OSBPL8: variants seen among roughly 807,000 people sequenced by gnomAD.
The protein encoded by OSBPL8 is oxysterol binding protein like 8, also known as oxysterol-binding protein-related protein 8.
OSBPL8 carries 59 observed loss-of-function variants against 125.5 expected under a neutral mutation model. The observed-to-expected ratio is 0.47, with a 90% confidence interval of 0.38 to 0.58. The LOEUF is 0.58. Ranked by LOEUF, OSBPL8 falls within the 20% of genes least tolerant of loss-of-function variation. The pLI is 0.00. For missense variants in OSBPL8, 758 were observed against 1,047.8 expected (o/e 0.72, Z 3.82); for synonymous variants, 330 against 338.9 (o/e 0.97, Z 0.29).
intron 4 of OSBPL8, among the ~76,000 whole-genome samples, chr12:76,436,697 C>T (rs1350381926): frequency 1.3e-5 from 2 of 151,888 alleles, no homozygotes; most frequent in Non-Finnish European, 2.9e-5. Flanking sequence ...AGTTACAGAA[C>T]TAGGAAAACA....
At position 76,399,663 on chromosome 12, in the gene OSBPL8, T is replaced by C. The variant is rs1467158216; in HGVS notation, c.468+210A>G. ...AAAGAACTATACTGTATGTAATTGA[T>C]GCTATTGTTAAGAAAGACATTAAGA... On this transcript the variant is annotated intron_variant, in intron 7 of 23. Transcript: ENST00000261183. Among the ~76,000 whole-genome samples, 4 of 152,200 alleles carry C rather than the reference T, an allele frequency of 2.6e-5. No homozygotes were observed. In the East Asian group the frequency reaches 7.7e-4, roughly 29 times the overall value.
intron 2 of OSBPL8, among the ~76,000 whole-genome samples, chr12:76,485,358 A>G (rs541204931): frequency 2.6e-5 from 4 of 152,072 alleles, no homozygotes; most frequent in Non-Finnish European, 5.9e-5. Context: ...GATCATCTGA[A>G]GTTGGGAGTT....
At chr12:76,373,559 A>G (rs773950343) in intron 17 of OSBPL8, 126 bp from the exon 18 acceptor site, 10 of 499,440 alleles carry the variant, frequency 2.0e-5, no homozygotes, top group Non-Finnish European at 3.4e-5. Flanking sequence ...CACAAGCAGT[A>G]AAAAAATACT....
intron 1 of OSBPL8, among the ~76,000 whole-genome samples, chr12:76,537,516 T>A (rs1004709316): frequency 6.6e-6 from 1 of 152,158 alleles, no homozygotes; most frequent in Non-Finnish European, 1.5e-5. Context: ...ATAACAAAGA[T>A]AATAGTTATA....
rs1951933363 is a variant in OSBPL8, at chr12:76,355,058, CTA to C, written c.*829_*830del. ...TCTATAAACATCTCTAGAATTTGGC[CTA>C]TGTTATGAACCAGCTGACTTAAGAA... On this transcript the variant is annotated 3_prime_UTR_variant, in exon 24 of 24. Transcript: ENST00000261183. The C allele has an allele frequency of 6.6e-6, 1 of 152,260 alleles. No individual in the cohort carries two copies. Among genetic ancestry groups the C allele is most frequent in the Non-Finnish European group, 1.5e-5 (1 of 67,872 alleles). 9.4% of individuals were successfully genotyped at this position (152,260 alleles called of 1,614,324 possible).
intron 2 of OSBPL8, among the ~76,000 whole-genome samples, chr12:76,468,820 C>T (rs1013063597): frequency 1.3e-5 from 2 of 152,148 alleles, no homozygotes; most frequent in Non-Finnish European, 2.9e-5. Flanking sequence ...GAACTTTCTA[C>T]GACGATAGAA....
intron 4 of OSBPL8, among the ~76,000 whole-genome samples, chr12:76,438,204 T>C (rs1729992750): frequency 6.6e-6 from 1 of 152,074 alleles, no homozygotes; most frequent in South Asian, 2.1e-4. Context: ...GCCAGGATGG[T>C]CTCGATCTCC....
At chr12:76,519,849 G>A (rs576539338) in intron 1 of OSBPL8, among the ~76,000 whole-genome samples, 11 of 152,204 alleles carry the variant, frequency 7.2e-5, no homozygotes, top group South Asian at 2.1e-4. Context: ...AGGAGATGGC[G>A]CTAAACCATT....
intron 4 of OSBPL8, among the ~76,000 whole-genome samples, chr12:76,439,703 T>C (rs1565898480): frequency 6.6e-6 from 1 of 152,210 alleles, no homozygotes; most frequent in Non-Finnish European, 1.5e-5. Context: ...ACTAGTATTT[T>C]CTAATTATGG....
chr12:76,553,704 G>T (rs1412566482), intron 1 of OSBPL8, among the ~76,000 whole-genome samples: 1 of 148,954 alleles, frequency 6.7e-6, no homozygotes, highest in Admixed American at 6.7e-5. Context: ...GGCCAGAGGA[G>T]GTAGCTCACG....
chr12:76,354,735 T>C lies in OSBPL8; in HGVS notation c.*1154A>G, dbSNP rs1191321594. 2 of 152,082 alleles carry C rather than the reference T, an allele frequency of 1.3e-5. No homozygotes were observed. Among genetic ancestry groups the C allele is most frequent in the Admixed American group, 6.5e-5 (1 of 15,292 alleles). The allele number at this position is 152,082 out of a possible 1,614,324, so 9.4% of individuals were successfully genotyped here. ...CCTGAACAATAGGAATCTTAAAGAA[T>C]TGTGGTTTTGCCACAGAAAGAAGTT... On this transcript the variant is annotated 3_prime_UTR_variant, in exon 24 of 24. Transcript: ENST00000261183.
intron 2 of OSBPL8, among the ~76,000 whole-genome samples, chr12:76,460,356 T>TAAC (rs1356782137): frequency 6.6e-6 from 1 of 152,136 alleles, no homozygotes; most frequent in East Asian, 1.9e-4. Context: ...TGAAAGCACG[T>TAAC]AACACTACAA....
At chr12:76,500,944 T>C (rs556010987) in intron 1 of OSBPL8, among the ~76,000 whole-genome samples, 1 of 152,350 alleles carries the variant, frequency 6.6e-6, no homozygotes, top group South Asian at 2.1e-4. Context: ...GTTCAGTTAC[T>C]ACTGTGTACT....
intron 5 of OSBPL8, among the ~76,000 whole-genome samples, chr12:76,403,136 A>G (rs1954120608): frequency 1.3e-5 from 2 of 152,198 alleles, no homozygotes; most frequent in Non-Finnish European, 2.9e-5. Flanking sequence ...AAACAAACAA[A>G]GACACAAATT....
intron 4 of OSBPL8, among the ~76,000 whole-genome samples, chr12:76,442,181 TG>T (rs1478756643): frequency 1.6e-4 from 25 of 152,332 alleles, no homozygotes; most frequent in Admixed American, 4.6e-4. Context: ...ATAAGACAGC[TG>T]CCCCCTATCT....
At chr12:76,551,573 C>T (rs568047036) in intron 1 of OSBPL8, among the ~76,000 whole-genome samples, 6 of 152,198 alleles carry the variant, frequency 3.9e-5, no homozygotes, top group African/African-American at 7.2e-5. Flanking sequence ...GGTGACTGGG[C>T]GTAAGATAAA....
chr12:76,551,069 C>CAT (rs1476018831), intron 1 of OSBPL8, among the ~76,000 whole-genome samples: 9 of 151,750 alleles, frequency 5.9e-5, no homozygotes, highest in African/African-American at 2.2e-4. Context: ...ATAATACAAA[C>CAT]ATATATATAG....
At chr12:76,524,178 A>T (rs1337965439) in intron 1 of OSBPL8, among the ~76,000 whole-genome samples, 1 of 152,314 alleles carries the variant, frequency 6.6e-6, no homozygotes, top group East Asian at 1.9e-4. Context: ...ATTGGAGCTA[A>T]ATAAGATATA....
chr12:76,486,656 T>C (rs921205783), intron 2 of OSBPL8, among the ~76,000 whole-genome samples: 2 of 152,224 alleles, frequency 1.3e-5, no homozygotes, highest in African/African-American at 4.8e-5. Flanking sequence ...GGTATACTTT[T>C]CCTGCTACCC....
Sources: gnomAD v4.1 joint callset for allele counts (sites outside exome capture counted in the v4.1 genomes callset) on GRCh38, gnomAD v4.1.1 for gene constraint, MANE v1.5 for transcripts, NCBI Gene and HGNC (gene_info 2026-07-23, HGNC 2026-07-21) for gene names.